DNAH11: variants seen among roughly 807,000 people sequenced by gnomAD.
The protein encoded by DNAH11 is dynein axonemal heavy chain 11.
A neutral mutation model predicts 526.0 loss-of-function variants in DNAH11; 442 were observed. The observed-to-expected ratio is 0.84, with a 90% CI of 0.78 to 0.91. The LOEUF is 0.91. Among genes scored for constraint, DNAH11 ranks in the 40% least tolerant of loss-of-function variants. DNAH11 has a pLI of 0.00. For missense variants in DNAH11, 6,989 were observed against 5,448.7 expected (o/e 1.28, Z -8.90); for synonymous variants, 2,461 against 1,935.9 (o/e 1.27, Z -7.12).
Position 21,750,866 on chromosome 7 carries a change from G to T in DNAH11, c.8940+502G>T, listed in dbSNP as rs546286404. Among the ~76,000 whole-genome samples, 31 of 152,234 alleles carry T rather than the reference G, an allele frequency of 2.0e-4. No homozygotes were observed. In the South Asian group the frequency reaches 5.4e-3, roughly 26 times the overall value. Reference sequence around the variant, plus strand: ...GCAGAAACCCAGATTACCTCTAAAGGCCTGGAACATAGAGTTCTTATAGGG... The same window carrying T: ...GCAGAAACCCAGATTACCTCTAAAGTCCTGGAACATAGAGTTCTTATAGGG... On this transcript the variant is annotated intron_variant, in intron 54 of 81. Coordinates refer to ENST00000409508, the MANE Select transcript of DNAH11 (RefSeq NM_001277115.2).
At chr7:21,717,747 A>T in intron 42 of DNAH11, 28 bp from the exon 43 acceptor site, 1 of 1,612,900 alleles carries the variant, frequency 6.2e-7, no homozygotes, top group Non-Finnish European at 8.5e-7. Flanking sequence ...CTAGTGTTCA[A>T]TAAAAGCTTT....
intron 74 of DNAH11, among the ~76,000 whole-genome samples, chr7:21,879,732 G>T (rs1401628258): frequency 6.6e-6 from 1 of 152,090 alleles, no homozygotes; most frequent in Admixed American, 6.5e-5. Context: ...GGGTGCCCCT[G>T]CCATACCTAA....
chr7:21,680,671 A>G (rs1051145129), intron 30 of DNAH11, among the ~76,000 whole-genome samples: 1 of 152,158 alleles, frequency 6.6e-6, no homozygotes, highest in Non-Finnish European at 1.5e-5. Context: ...ATTCCTTTCC[A>G]TTCTATGAAA....
intron 45 of DNAH11, among the ~76,000 whole-genome samples, chr7:21,731,809 C>G (rs1785399396): frequency 1.3e-5 from 2 of 152,156 alleles, no homozygotes; most frequent in South Asian, 4.1e-4. Context: ...CTTCATCCGG[C>G]TGTCTTGGTG....
intron 18 of DNAH11, among the ~76,000 whole-genome samples, chr7:21,602,312 A>G (rs1364843009): frequency 6.6e-6 from 1 of 152,138 alleles, no homozygotes; most frequent in African/African-American, 2.4e-5. Flanking sequence ...GCACTCTAGC[A>G]TGGGGACAAA....
In DNAH11 at chr7:21,704,695, G is replaced by A. The variant is rs550103140; in HGVS notation, c.6468+67G>A. 4.6e-6 allele frequency: 7 copies of A among 1,530,394 alleles called. No homozygotes were observed. The South Asian group carries it at 6.3e-5, about 14-fold the overall frequency. 94.8% of individuals were successfully genotyped at this position (1,530,394 alleles called of 1,614,324 possible). A position where few individuals can be genotyped will look rare whatever the true frequency, so the allele number is the denominator to read the frequency against. ...TCAGTGGAAATAATTGTGGCTAATT[G>A]ATACTAAAGCAAGATGTTAACTTGT... is the stretch of plus-strand genomic sequence containing the variant. On this transcript the variant is annotated intron_variant, in intron 38 of 81. Coordinates refer to ENST00000409508, the MANE Select transcript of DNAH11 (RefSeq NM_001277115.2).
chr7:21,686,756 G>T (rs1783393002), intron 32 of DNAH11, among the ~76,000 whole-genome samples: 1 of 151,944 alleles, frequency 6.6e-6, no homozygotes, highest in Non-Finnish European at 1.5e-5. Context: ...ACAATAGTTT[G>T]GATGTTGTCT....
intron 20 of DNAH11, among the ~76,000 whole-genome samples, chr7:21,610,293 T>A (rs945057702): frequency 2.6e-5 from 4 of 151,906 alleles, no homozygotes; most frequent in African/African-American, 9.7e-5. Context: ...ACTCTGGGAG[T>A]TTGTAAACAT....
At chr7:21,702,852 A>C (rs753850190) in intron 37 of DNAH11, 50 bp downstream of exon 37, 1 of 1,504,144 alleles carries the variant, frequency 6.6e-7, no homozygotes, top group East Asian at 2.3e-5. Context: ...GGCCTGCTTC[A>C]CAGACATGAA....
chr7:21,554,654 A>C (rs1377180897), intron 2 of DNAH11, among the ~76,000 whole-genome samples: 1 of 152,176 alleles, frequency 6.6e-6, no homozygotes, highest in South Asian at 2.1e-4. Context: ...GCCCAGGTAT[A>C]AAAACTGGAT....
At position 21,890,670 on chromosome 7, in the gene DNAH11, T is replaced by C. The variant is rs571237615; in HGVS notation, c.12508-1755T>C. 6.6e-5 allele frequency among the ~76,000 whole-genome samples: 10 copies of C among 152,316 alleles called. 1 individual carries two copies. The South Asian group carries it at 1.7e-3, about 25-fold the overall frequency. ...TTTATTCTGGCTACTTTATCCATCATAGACTAATAATAATGAGTTTAACTC... is the reference window on the plus strand; with the variant it reads ...TTTATTCTGGCTACTTTATCCATCACAGACTAATAATAATGAGTTTAACTC... On this transcript the variant is annotated intron_variant, in intron 76 of 81. Transcript: ENST00000409508.
At chr7:21,593,846 C>G (rs920593666) in intron 14 of DNAH11, among the ~76,000 whole-genome samples, 5 of 151,994 alleles carry the variant, frequency 3.3e-5, no homozygotes, top group African/African-American at 9.7e-5. Context: ...TCCATGAATA[C>G]TCTCCTTTGG....
chr7:21,814,462 CCACT>C (rs1789682933), intron 63 of DNAH11, among the ~76,000 whole-genome samples: 1 of 149,862 alleles, frequency 6.7e-6, no homozygotes. Flanking sequence ...TGCACTGCAC[CCACT>C]AACTCGTCAT....
rs186424893 is a variant in DNAH11, at chr7:21,719,477, G to C, written c.7135-1248G>C. 2.0e-5 allele frequency among the ~76,000 whole-genome samples: 3 copies of C among 152,332 alleles called. No homozygotes were observed. The East Asian group carries it at 5.8e-4, about 29-fold the overall frequency. On this transcript the variant is annotated intron_variant, in intron 43 of 81. Transcript: ENST00000409508. ...CCGTATTCGTGTGTTCATCTCAGCA[G>C]ATAGCGTCACGTTGAGACCCTTCAG...
chr7:21,816,823 A>G (rs940181101), intron 64 of DNAH11, 121 bp downstream of exon 64: 4 of 794,326 alleles, frequency 5.0e-6, no homozygotes, highest in African/African-American at 1.7e-5. Context: ...ATTTGGTGCT[A>G]TTTGTTTATC....
intron 2 of DNAH11, among the ~76,000 whole-genome samples, chr7:21,551,123 T>A (rs1409200794): frequency 6.6e-6 from 1 of 152,148 alleles, no homozygotes; most frequent in African/African-American, 2.4e-5. Flanking sequence ...CTCATGGAGT[T>A]TACTTATTTC....
At chr7:21,765,039 C>A (rs62447166) in intron 54 of DNAH11, among the ~76,000 whole-genome samples, 3 of 152,108 alleles carry the variant, frequency 2.0e-5, no homozygotes, top group African/African-American at 7.2e-5. Context: ...TGATGAATTA[C>A]AAAATGGAAG....
chr7:21,547,769 A>G (rs937674356), intron 2 of DNAH11, among the ~76,000 whole-genome samples: 9 of 152,100 alleles, frequency 5.9e-5, no homozygotes, highest in African/African-American at 1.4e-4. Context: ...ACCGTATAAA[A>G]TGTTTTCTCA....
At chr7:21,755,076 C>T (rs764965095) in intron 54 of DNAH11, among the ~76,000 whole-genome samples, 34 of 152,268 alleles carry the variant, frequency 2.2e-4, no homozygotes, top group Middle Eastern at 6.8e-3. Context: ...GCAGGTCGAG[C>T]TAAATGATGT....
Sources: allele counts gnomAD v4.1 joint callset (sites outside exome capture counted in the v4.1 genomes callset), GRCh38; gene constraint gnomAD v4.1.1; transcripts MANE v1.5; gene names NCBI Gene and HGNC (gene_info 2026-07-23, HGNC 2026-07-21).